ASIC2: variants seen among roughly 807,000 people sequenced by gnomAD.
The protein encoded by ASIC2 is acid-sensing ion channel 2.
A neutral mutation model predicts 57.3 loss-of-function variants in ASIC2; 25 were observed. The observed-to-expected ratio is 0.44, with a 90% CI of 0.32 to 0.61. The LOEUF is 0.61. ASIC2 is among the 20% of genes least tolerant of loss of function. The pLI is 0.06. For missense variants in ASIC2, 641 were observed against 738.1 expected (o/e 0.87, Z 1.52); for synonymous variants, 319 against 307.5 (o/e 1.04, Z -0.39).
At chr17:33,817,088 G>A (rs1258850323) in intron 1 of ASIC2, among the ~76,000 whole-genome samples, 1 of 152,202 alleles carries the variant, frequency 6.6e-6, no homozygotes, top group Non-Finnish European at 1.5e-5. Flanking sequence ...GGAGTTTTAG[G>A]AGCACCGAAG....
intron 3 of ASIC2, among the ~76,000 whole-genome samples, chr17:33,066,619 T>C (rs561091570): frequency 3.4e-4 from 51 of 152,234 alleles, no homozygotes; most frequent in African/African-American, 1.1e-3. Flanking sequence ...ACTTTACAGA[T>C]GGACAATTTG....
chr17:33,139,295 C>T (rs1353152068), intron 1 of ASIC2, among the ~76,000 whole-genome samples: 1 of 152,174 alleles, frequency 6.6e-6, no homozygotes. Context: ...TGAGGCCAGC[C>T]CCCTCTTCTG....
chr17:33,206,363 C>A lies in ASIC2; in HGVS notation c.708+85045G>T, dbSNP rs142306941. Among the ~76,000 whole-genome samples, 740 of 152,234 alleles carry A rather than the reference C, an allele frequency of 4.9e-3. 5 individuals are homozygous for A. The highest frequency in any genetic ancestry group is 7.4e-3 in the Non-Finnish European group (506 of 68,010). ...CTCTGCATTCATGATCCTTTTCAGTCTTCCTAAAATCCAGTGAGGTAAGCA... is the reference window on the plus strand; with the variant it reads ...CTCTGCATTCATGATCCTTTTCAGTATTCCTAAAATCCAGTGAGGTAAGCA... On this transcript the variant is annotated intron_variant, in intron 1 of 9. Transcript: ENST00000225823.
At chr17:33,329,548 C>A (rs1242506844) in intron 1 of ASIC2, among the ~76,000 whole-genome samples, 2 of 152,192 alleles carry the variant, frequency 1.3e-5, no homozygotes, top group Non-Finnish European at 2.9e-5. Context: ...TCAAGGTCAT[C>A]ACACAGCCAA....
intron 1 of ASIC2, among the ~76,000 whole-genome samples, chr17:33,577,270 C>A (rs148359555): frequency 1.6e-4 from 25 of 152,288 alleles, no homozygotes; most frequent in African/African-American, 5.5e-4. Context: ...ACATGTTATG[C>A]TCCCTCTGTG....
chr17:33,211,536 G>GAAAAA (rs10717410), intron 1 of ASIC2, among the ~76,000 whole-genome samples: 1 of 126,704 alleles, frequency 7.9e-6, no homozygotes, highest in East Asian at 2.4e-4. Flanking sequence ...CTCTTTAAAT[G>GAAAAA]AAAAAAAAAA....
At position 33,259,427 on chromosome 17, in the gene ASIC2, C is replaced by T. The variant is rs1372876746; in HGVS notation, c.708+31981G>A. 3.3e-5 allele frequency among the ~76,000 whole-genome samples: 5 copies of T among 152,118 alleles called. No individual in the cohort carries two copies. The East Asian group carries it at 9.7e-4, about 29-fold the overall frequency. On this transcript the variant is annotated intron_variant, in intron 1 of 9. Coordinates refer to ENST00000225823, the MANE Select transcript of ASIC2 (RefSeq NM_183377.2). ...GTGTAGATATCATTGCCTGGCATTC[C>T]ACATGCAGTAACTACTTGGTTCAGA...
chr17:34,139,805 G>T (rs758313407), intron 1 of ASIC2, among the ~76,000 whole-genome samples: 3 of 152,188 alleles, frequency 2.0e-5, no homozygotes, highest in Non-Finnish European at 4.4e-5. Context: ...TGGGTACGGG[G>T]TTTCTTTCTG....
chr17:33,856,411 G>A (rs1186416725), intron 1 of ASIC2, among the ~76,000 whole-genome samples: 1 of 141,314 alleles, frequency 7.1e-6, no homozygotes, highest in Non-Finnish European at 1.6e-5. Flanking sequence ...AGCAGTATCA[G>A]TAGTAACAGT....
chr17:33,356,014 A>T (rs1024025717), intron 1 of ASIC2, among the ~76,000 whole-genome samples: 1 of 152,190 alleles, frequency 6.6e-6, no homozygotes, highest in African/African-American at 2.4e-5. Context: ...GACTTCCAAG[A>T]TGAGGCCTGA....
chr17:33,593,373 A>AT (rs1904884813), intron 1 of ASIC2, among the ~76,000 whole-genome samples: 1 of 90,684 alleles, frequency 1.1e-5, no homozygotes, highest in Non-Finnish European at 2.0e-5. Flanking sequence ...TAAAAAAAAA[A>AT]GCACATTGTG....
At chr17:33,302,913 G>A (rs1906016904) in intron 1 of ASIC2, among the ~76,000 whole-genome samples, 1 of 152,214 alleles carries the variant, frequency 6.6e-6, no homozygotes, top group Non-Finnish European at 1.5e-5. Flanking sequence ...TACAGATGAG[G>A]ACACAGAAGC....
chr17:33,718,462 G>A (rs570470442), intron 1 of ASIC2, among the ~76,000 whole-genome samples: 8 of 152,122 alleles, frequency 5.3e-5, no homozygotes, highest in Non-Finnish European at 1.0e-4. Flanking sequence ...CAGGTGTCTC[G>A]GTGATCTGAA....
chr17:34,086,005 A>C (rs1298926916), intron 1 of ASIC2, among the ~76,000 whole-genome samples: 1 of 151,368 alleles, frequency 6.6e-6, no homozygotes, highest in Non-Finnish European at 1.5e-5. Context: ...GGATTCATTA[A>C]TTTTTTGAAG....
chr17:33,995,252 T>C (rs1453514182), intron 1 of ASIC2, among the ~76,000 whole-genome samples: 4 of 152,210 alleles, frequency 2.6e-5, no homozygotes, highest in South Asian at 2.1e-4. Flanking sequence ...ACAGGACAAT[T>C]GGGTGGATAA....
At chr17:33,999,251 T>C (rs1906258873) in intron 1 of ASIC2, among the ~76,000 whole-genome samples, 1 of 152,142 alleles carries the variant, frequency 6.6e-6, no homozygotes. Flanking sequence ...CTATGTGTGA[T>C]CTTAAAGCTG....
intron 1 of ASIC2, among the ~76,000 whole-genome samples, chr17:33,812,705 G>T (rs1425095157): frequency 6.6e-6 from 1 of 152,168 alleles, no homozygotes; most frequent in East Asian, 1.9e-4. Context: ...ATGTGGAAAT[G>T]ACTGAGAAAG....
At chr17:33,341,928 A>G (rs1405570041) in intron 1 of ASIC2, among the ~76,000 whole-genome samples, 2 of 152,216 alleles carry the variant, frequency 1.3e-5, no homozygotes, top group Non-Finnish European at 2.9e-5. Context: ...TTAGACTGAC[A>G]TCTCTTGAGA....
At chr17:33,976,758 A>G (rs975912785) in intron 1 of ASIC2, 3 of 152,166 alleles carry the variant, frequency 2.0e-5, no homozygotes, top group Admixed American at 2.0e-4. Flanking sequence ...TAAGACAGAA[A>G]GAGGAAGCCA....
Sources: allele counts gnomAD v4.1 joint callset (sites outside exome capture counted in the v4.1 genomes callset), GRCh38; gene constraint gnomAD v4.1.1; transcripts MANE v1.5; gene names NCBI Gene and HGNC (gene_info 2026-07-23, HGNC 2026-07-21).